Variants in FGFR4 observed in about 807,000 individuals in gnomAD.
FGFR4 encodes the protein hydroxyaryl-protein kinase.
Under a neutral mutation model 89.9 loss-of-function variants are expected in FGFR4, and 63 were observed. The observed-to-expected ratio is 0.70, with a 90% confidence interval of 0.57 to 0.86. The LOEUF is 0.86. Among genes scored for constraint, FGFR4 ranks in the 40% least tolerant of loss-of-function variants. The pLI is 0.00. For synonymous variants in FGFR4, 486 were observed against 479.4 expected, an observed-to-expected ratio of 1.01 and a Z score of -0.18; for missense variants, 928 against 1,106.7, an observed-to-expected ratio of 0.84 and a Z score of 2.29.
At position 177,093,567 on chromosome 5, in the gene FGFR4, T is replaced by G. The variant is rs1236463027; in HGVS notation, c.1397+16T>G. 6.2e-7 allele frequency: 1 copy of G among 1,612,634 alleles called. No individual in the cohort carries two copies. The highest frequency in any genetic ancestry group is 8.5e-7 in the Non-Finnish European group (1 of 1,178,926). On this transcript the variant is annotated intron_variant, in intron 10 of 17. Coordinates refer to ENST00000292408, the MANE Select transcript of FGFR4 (RefSeq NM_213647.3). This position sits in a 1 kb window ranked among gnomAD's most constrained non-coding sequence, Gnocchi z 5.8. The stretch of plus-strand genomic sequence containing the variant: ...CCCGGGACAGGTGCGCTGAGCTGTG[T>G]GGGGGCAGGGACGCGGGCGCCGGGT...
In FGFR4 at chr5:177,096,351, G is replaced by A. The variant is rs748784864; in HGVS notation, c.2009G>A (p.Ser670Asn). The change falls in exon 15 of 18, where the codon AGT (serine) becomes AAT (asparagine). Residue 670 changes from serine (S) to asparagine (N), a missense_variant. By Grantham distance (46) the Ser-to-Asn change is conservative. Around this residue, in one of 5 missense-constraint regions of FGFR4, gnomAD observed 27 missense variants for 64.4 expected, o/e 0.42. Transcript: ENST00000292408. ...TTTGACCGGGTGTACACACACCAGA[G>A]TGACGTGTGAGTCCTGCCGGCGGTC... The part of the protein sequence containing the change: ...ALFDRVYTHQ[S>N]DVWSFGILLW... 1.2e-6 allele frequency: 2 copies of A among 1,613,976 alleles called. No homozygotes were observed. Among genetic ancestry groups the A allele is most frequent in the Non-Finnish European group, 8.5e-7 (1 of 1,179,984 alleles).
chr5:177,096,140 C>A lies in FGFR4; in HGVS notation c.1905C>A (p.Arg635=), dbSNP rs777647649. 2 of 1,614,116 alleles carry A rather than the reference C, an allele frequency of 1.2e-6. No individual in the cohort carries two copies. The highest frequency in any genetic ancestry group is 4.5e-5 in the East Asian group (2 of 44,880). The change falls in exon 14 of 18, where the codon CGC becomes CGA. Residue 635 remains arginine, a synonymous_variant. Transcript: ENST00000292408. ...AGATTGCTGACTTTGGGCTGGCCCG[C>A]GGCGTCCACCACATTGACTACTATA... ...VMKIADFGLA[R]GVHHIDYYKK... is the part of the protein sequence containing the mutation.
At chr5:177,091,867 C>G in intron 6 of FGFR4, 59 bp downstream of exon 6, 2 of 1,601,924 alleles carry the variant, frequency 1.2e-6, no homozygotes, top group Admixed American at 1.7e-5. Context: ...GTTGTGCCCT[C>G]TTGGTGGGGT....
At position 177,096,606 on chromosome 5, in the gene FGFR4, G is replaced by A; in HGVS notation, c.2018G>A (p.Trp673Ter). ...DRVYTHQSDV[W>*]SFGILLWEIF... ...CTGAGCCCTGGCCCTACCTCCAGGT[G>A]GTCTTTTGGGATCCTGCTATGGGAG... The change falls in exon 16 of 18, where the codon TGG becomes TAG. Residue 673 changes from tryptophan (W) to a stop codon, truncating the protein, a stop_gained and splice_region_variant. Coordinates refer to ENST00000292408, the MANE Select transcript of FGFR4 (RefSeq NM_213647.3). LOFTEE classifies it high-confidence loss of function. 1.2e-6 allele frequency: 2 copies of A among 1,613,380 alleles called. No individual in the cohort carries two copies. The highest frequency in any genetic ancestry group is 4.5e-5 in the East Asian group (2 of 44,834).
chr5:177,097,472 T>A (rs536884241), intron 17 of FGFR4, 55 bp from the exon 18 acceptor site: 1 of 1,556,326 alleles, frequency 6.4e-7, no homozygotes, highest in African/African-American at 1.4e-5. Context: ...CGCGTGGACA[T>A]GCGCCCCGTC....
rs780701360 is a variant in FGFR4, at chr5:177,093,394, C to T, written c.1252-12C>T. 1.2e-6 allele frequency: 2 copies of T among 1,614,076 alleles called. No individual in the cohort carries two copies. Among genetic ancestry groups the T allele is most frequent in the Non-Finnish European group, 1.7e-6 (2 of 1,179,936 alleles). On this transcript the variant is annotated splice_polypyrimidine_tract_variant and intron_variant, in intron 9 of 17. Coordinates refer to ENST00000292408, the MANE Select transcript of FGFR4 (RefSeq NM_213647.3). This position sits in a 1 kb window ranked among gnomAD's most constrained non-coding sequence, Gnocchi z 5.8. ...GACTCCAGCAGGCAGAACCAAGTCT[C>T]CCACTTTGCAGTTCTCCCTGGAGTC...
intron 16 of FGFR4, 79 bp downstream of exon 16, chr5:177,096,820 C>T: frequency 6.6e-7 from 1 of 1,518,388 alleles, no homozygotes; most frequent in Non-Finnish European, 8.8e-7. Flanking sequence ...AGGGTGTGTC[C>T]CGGCCAGAAG....
At chr5:177,096,386 C>A (rs766873039) in intron 15 of FGFR4, 29 bp downstream of exon 15, 1 of 1,612,614 alleles carries the variant, frequency 6.2e-7, no homozygotes, top group Non-Finnish European at 8.5e-7. Context: ...CACTGTCCTA[C>A]CCCACAAAAA....
chr5:177,093,064 G>A lies in FGFR4; in HGVS notation c.1058-74G>A. On this transcript the variant is annotated intron_variant, in intron 8 of 17. Transcript: ENST00000292408. This position sits in a 1 kb window ranked among gnomAD's most constrained non-coding sequence, Gnocchi z 5.8. Reference sequence around the variant, plus strand: ...TATGTTGGGAGCTGGGAGGGACTGAGTTAGGGTGCACGGGGCGGCCAGTCT... The same window carrying A: ...TATGTTGGGAGCTGGGAGGGACTGAATTAGGGTGCACGGGGCGGCCAGTCT... 1 of 1,585,632 alleles carries A rather than the reference G, an allele frequency of 6.3e-7. No individual in the cohort carries two copies. The highest frequency in any genetic ancestry group is 1.1e-5 in the South Asian group (1 of 89,970).
Position 177,097,589 on chromosome 5 carries a change from C to G in FGFR4, c.2322C>G (p.Thr774=), listed in dbSNP as rs200562501. The change falls in exon 18 of 18, where the codon ACC becomes ACG. Residue 774 remains threonine (T), a synonymous_variant. Coordinates refer to ENST00000292408, the MANE Select transcript of FGFR4 (RefSeq NM_213647.3). The part of the protein sequence containing the change: ...YSPSGGDASS[T]CSSSDSVFSH... ...CCTCTGGTGGGGACGCCAGCAGCAC[C>G]TGCTCCTCCAGCGATTCTGTCTTCA... 6.2e-7 allele frequency: 1 copy of G among 1,614,208 alleles called. No individual in the cohort carries two copies. The highest frequency in any genetic ancestry group is 1.3e-5 in the African/African-American group (1 of 75,074).
At chr5:177,096,020 A>G in intron 13 of FGFR4, 37 bp from the exon 14 acceptor site, 8 of 1,601,464 alleles carry the variant, frequency 5.0e-6, no homozygotes, top group Non-Finnish European at 6.8e-6. Context: ...ACTCCAGGCC[A>G]GGTGTCCTGA....
Position 177,097,795 on chromosome 5 carries a change from C to A in FGFR4, c.*119C>A. 7.5e-7 allele frequency: 1 copy of A among 1,331,752 alleles called. No individual in the cohort carries two copies. Among genetic ancestry groups the A allele is most frequent in the Non-Finnish European group, 1.0e-6 (1 of 990,080 alleles). The allele number at this position is 1,331,752 out of a possible 1,614,324, so 82.5% of individuals were successfully genotyped here. A position where few individuals can be genotyped will look rare whatever the true frequency, so the allele number is the denominator to read the frequency against. ...GGGCCCCTGGCCCAGAGTTGCTGTG[C>A]CGTGTCCAAGGGCCGTGCCCTTGCC... On this transcript the variant is annotated 3_prime_UTR_variant, in exon 18 of 18. Coordinates refer to ENST00000292408, the MANE Select transcript of FGFR4 (RefSeq NM_213647.3).
At position 177,097,475 on chromosome 5, in the gene FGFR4, G is replaced by A. The variant is rs548581481; in HGVS notation, c.2260-52G>A. ...ATCTGGCCTGACCGCGTGGACATGC[G>A]CCCCGTCCCATCCCGGGCGCTGCAG... On this transcript the variant is annotated intron_variant, in intron 17 of 17. Transcript: ENST00000292408. 6.2e-5 allele frequency: 99 copies of A among 1,602,732 alleles called. No individual in the cohort carries two copies. The African/African-American group carries it at 7.2e-4, about 12-fold the overall frequency.
intron 6 of FGFR4, 48 bp downstream of exon 6, chr5:177,091,856 A>C: frequency 1.2e-6 from 2 of 1,607,724 alleles, no homozygotes; most frequent in Non-Finnish European, 1.7e-6. Context: ...TTTTGGGCTC[A>C]GTTGTGCCCT....
rs769861215 is a variant in FGFR4, at chr5:177,097,632, T to C, written c.2365T>C (p.Leu789=). 1.2e-4 allele frequency: 190 copies of C among 1,614,062 alleles called. No individual in the cohort carries two copies. In the East Asian group the frequency reaches 3.6e-3, roughly 31 times the overall value. The change falls in exon 18 of 18, where the codon TTG becomes CTG. Residue 789 remains leucine, a synonymous_variant. Transcript: ENST00000292408. ...TGTCTTCAGCCACGACCCCCTGCCA[T>C]TGGGATCCAGCTCCTTCCCCTTCGG... The part of the protein sequence containing the change: ...DSVFSHDPLP[L]GSSSFPFGSG...
At chr5:177,092,995 T>C in intron 8 of FGFR4, 143 bp from the exon 9 acceptor site, 1 of 1,315,018 alleles carries the variant, frequency 7.6e-7, no homozygotes, top group Non-Finnish European at 1.1e-6. Context: ...TGTGGGTGCC[T>C]GGGACTGGGC....
In FGFR4 at chr5:177,090,211, G is replaced by C. The variant is rs114012459; in HGVS notation, c.92-179G>C. 1,206 of 817,274 alleles carry C rather than the reference G, an allele frequency of 1.5e-3. 14 individuals carry two copies. In the African/African-American group the frequency reaches 0.018, roughly 12 times the overall value. 50.6% of individuals were successfully genotyped at this position (817,274 alleles called of 1,614,324 possible). ...TGTGTGTGACATGCCCCAAGAGTGT[G>C]GCATTTGCCCTGGGTGTGGCATCCG... On this transcript the variant is annotated intron_variant, in intron 2 of 17. Coordinates refer to ENST00000292408, the MANE Select transcript of FGFR4 (RefSeq NM_213647.3).
chr5:177,087,716 GA>G lies in FGFR4; in HGVS notation c.-54+640del. 4.6e-6 allele frequency: 4 copies of G among 878,176 alleles called. No homozygotes were observed. The highest frequency in any genetic ancestry group is 5.5e-6 in the Non-Finnish European group (4 of 731,998). The allele number at this position is 878,176 out of a possible 1,614,324, so 54.4% of individuals were successfully genotyped here. On this transcript the variant is annotated intron_variant, in intron 1 of 17. Coordinates refer to ENST00000292408, the MANE Select transcript of FGFR4 (RefSeq NM_213647.3). The surrounding 1 kb of genome is among the most constrained non-coding windows in gnomAD (Gnocchi z 6.1). Reference sequence around the variant, plus strand: ...AAAGAGCTGCCCTCCCTGCCAAGCCGAGCTTGGTAGGGAGTTTTACCAAGGA... The same window carrying G: ...AAAGAGCTGCCCTCCCTGCCAAGCCGGCTTGGTAGGGAGTTTTACCAAGGA...
chr5:177,096,702 G>T lies in FGFR4; in HGVS notation c.2114G>T (p.Gly705Val). 1 of 1,601,424 alleles carries T rather than the reference G, an allele frequency of 6.2e-7. No homozygotes were observed. The highest frequency in any genetic ancestry group is 8.5e-7 in the Non-Finnish European group (1 of 1,173,702). Residue 705 changes from glycine (G) to valine (V), a missense_variant, in exon 16 of 18, where the codon GGA (glycine) becomes GTA (valine). Physicochemically the swap from Gly to Val is moderately radical, Grantham distance 109. Around this residue, in one of 5 missense-constraint regions of FGFR4, gnomAD observed 129 missense variants for 150.8 expected, o/e 0.86. Transcript: ENST00000292408. ...GAGCTGTTCTCGCTGCTGCGGGAGG[G>T]ACATCGGATGGACCGACCCCCACAC... ...VEELFSLLRE[G>V]HRMDRPPHCP...
Sources: allele counts gnomAD v4.1 joint callset, GRCh38; gene constraint gnomAD v4.1.1; regional missense constraint gnomAD v4.1.1; non-coding constraint Gnocchi (gnomAD v3.1); transcripts MANE v1.5; gene names NCBI Gene and HGNC (gene_info 2026-07-23, HGNC 2026-07-21).